The following PCDH15 variants were observed in gnomAD, a reference collection of about 807,000 sequenced individuals.
PCDH15 encodes the protein protocadherin-15.
In PCDH15, 129 loss-of-function variants were observed where a neutral mutation model predicts 178.5. The ratio of observed to expected loss-of-function variants is 0.72; its 90% CI spans 0.63 to 0.84. The LOEUF (loss-of-function observed/expected upper bound fraction) is 0.84. Ranked by LOEUF, PCDH15 falls within the 40% of genes least tolerant of loss-of-function variation. PCDH15 has a pLI of 0.00. For synonymous variants in PCDH15, 800 were observed against 732.0 expected (o/e 1.09, Z -1.50); for missense variants, 2,230 against 2,099.9 (o/e 1.06, Z -1.21).
At chr10:54,465,273 T>C (rs936956185) in intron 3 of PCDH15, among the ~76,000 whole-genome samples, 1 of 152,118 alleles carries the variant, frequency 6.6e-6, no homozygotes, top group Non-Finnish European at 1.5e-5. Context: ...AAATACTCTC[T>C]TGTGTCTATT....
intron 2 of PCDH15, among the ~76,000 whole-genome samples, chr10:55,140,878 A>G (rs10825471): frequency 0.38 from 57,600 of 151,762 alleles, 11,323 homozygotes; most frequent in Admixed American, 0.48. Context: ...ACATGTGCAT[A>G]GTTGTTTGCA....
intron 1 of PCDH15, among the ~76,000 whole-genome samples, chr10:55,206,909 C>T (rs1840418007): frequency 6.6e-6 from 1 of 151,992 alleles, no homozygotes; most frequent in Admixed American, 6.6e-5. Flanking sequence ...TTAAATAAAT[C>T]TCATAAATGT....
In PCDH15 at chr10:54,032,907, G is replaced by A. The variant is rs562104533; in HGVS notation, c.2221-9710C>T. Reference sequence around the variant, plus strand: ...AACTTCTTTACCTGGTGACAGAAAAGAGTGAAGAAGGAACTCCCAATCACT... The same window carrying A: ...AACTTCTTTACCTGGTGACAGAAAAAAGTGAAGAAGGAACTCCCAATCACT... On this transcript the variant is annotated intron_variant, in intron 18 of 37. Coordinates refer to ENST00000644397, the MANE Select transcript of PCDH15 (RefSeq NM_001384140.1). Among the ~76,000 whole-genome samples, 335 of 152,012 alleles carry A rather than the reference G, an allele frequency of 2.2e-3. 1 individual carries two copies. Among genetic ancestry groups the A allele is most frequent in the Non-Finnish European group, 3.3e-3 (225 of 67,916 alleles).
At chr10:54,394,704 C>T (rs911538670) in intron 3 of PCDH15, among the ~76,000 whole-genome samples, 31 of 152,052 alleles carry the variant, frequency 2.0e-4, no homozygotes, top group African/African-American at 5.8e-4. Context: ...ATTTATTAGG[C>T]AGGAATTTCC....
At chr10:55,374,133 G>A (rs1420832700) in intron 2 of PCDH15, among the ~76,000 whole-genome samples, 2 of 150,672 alleles carry the variant, frequency 1.3e-5, no homozygotes, top group African/African-American at 4.9e-5. Context: ...AAAAGAATGG[G>A]CTTTGGGCTT....
At chr10:54,871,359 T>C (rs960702796) in intron 3 of PCDH15, among the ~76,000 whole-genome samples, 5 of 151,900 alleles carry the variant, frequency 3.3e-5, no homozygotes, top group Non-Finnish European at 5.9e-5. Flanking sequence ...TCATATATTA[T>C]GTATTCCAAG....
intron 3 of PCDH15, among the ~76,000 whole-genome samples, chr10:54,484,420 T>C (rs565759753): frequency 6.6e-6 from 1 of 152,094 alleles, no homozygotes; most frequent in Non-Finnish European, 1.5e-5. Context: ...TGTTTTCACT[T>C]GCCTGGGTAG....
chr10:54,709,824 T>A (rs2095410155), intron 1 of PCDH15, among the ~76,000 whole-genome samples: 1 of 149,160 alleles, frequency 6.7e-6, no homozygotes, highest in Non-Finnish European at 1.5e-5. Context: ...GAATGAAAGA[T>A]TGCTGAACTT....
intron 2 of PCDH15, among the ~76,000 whole-genome samples, chr10:54,574,012 A>G (rs1489359091): frequency 1.3e-5 from 2 of 152,188 alleles, no homozygotes; most frequent in Non-Finnish European, 2.9e-5. Context: ...TTTGCTTTGC[A>G]GAAGCTCTTT....
chr10:55,590,352 A>G (rs1842820015), intron 2 of PCDH15, among the ~76,000 whole-genome samples: 1 of 150,404 alleles, frequency 6.6e-6, no homozygotes, highest in Admixed American at 6.6e-5. Flanking sequence ...TAGGAGATAT[A>G]CCTAATGCTA....
At chr10:54,198,106 T>C (rs1359688222) in intron 10 of PCDH15, among the ~76,000 whole-genome samples, 1 of 152,164 alleles carries the variant, frequency 6.6e-6, no homozygotes, top group Non-Finnish European at 1.5e-5. Flanking sequence ...TTTGGTCCTG[T>C]CTGGGATTAT....
chr10:54,722,405 T>C (rs940969221), intron 1 of PCDH15, among the ~76,000 whole-genome samples: 1 of 151,700 alleles, frequency 6.6e-6, no homozygotes, highest in South Asian at 2.1e-4. Context: ...GAATTTCTCT[T>C]ATCTCTTGGT....
chr10:54,590,312 T>C (rs1425362101), intron 2 of PCDH15, among the ~76,000 whole-genome samples: 1 of 152,194 alleles, frequency 6.6e-6, no homozygotes, highest in African/African-American at 2.4e-5. Context: ...TACATTTGCC[T>C]GACTCCAAAA....
chr10:55,304,959 A>G (rs1158540698), intron 1 of PCDH15, among the ~76,000 whole-genome samples: 3 of 152,252 alleles, frequency 2.0e-5, no homozygotes, highest in Non-Finnish European at 4.4e-5. Flanking sequence ...TAGTATTTTC[A>G]TAATATTTCA....
intron 2 of PCDH15, among the ~76,000 whole-genome samples, chr10:55,613,204 T>A (rs1843407470): frequency 6.6e-6 from 1 of 151,940 alleles, no homozygotes; most frequent in Non-Finnish European, 1.5e-5. Flanking sequence ...CTCTTTACCT[T>A]CAATCTTAAG....
intron 1 of PCDH15, among the ~76,000 whole-genome samples, chr10:55,202,448 G>C (rs934330363): frequency 2.6e-5 from 4 of 152,044 alleles, no homozygotes; most frequent in Non-Finnish European, 4.4e-5. Context: ...CCAGTTACAA[G>C]GTATGTGCCT....
At chr10:55,251,470 T>C (rs1434561302) in intron 1 of PCDH15, among the ~76,000 whole-genome samples, 1 of 152,168 alleles carries the variant, frequency 6.6e-6, no homozygotes, top group Non-Finnish European at 1.5e-5. Context: ...TATTTAACCT[T>C]CTAGGACTGA....
chr10:54,615,430 G>T (rs999245585), intron 2 of PCDH15, among the ~76,000 whole-genome samples: 1 of 151,968 alleles, frequency 6.6e-6, no homozygotes, highest in Admixed American at 6.6e-5. Flanking sequence ...TTAATCCAAC[G>T]GATGTGCATA....
chr10:55,478,225 A>G, intron 2 of PCDH15, among the ~76,000 whole-genome samples: 1 of 151,808 alleles, frequency 6.6e-6, no homozygotes, highest in East Asian at 1.9e-4. Flanking sequence ...ATAGTATGAG[A>G]CTTCAGCATC....
Sources: allele counts gnomAD v4.1 joint callset (sites outside exome capture counted in the v4.1 genomes callset), GRCh38; gene constraint gnomAD v4.1.1; transcripts MANE v1.5; gene names NCBI Gene and HGNC (gene_info 2026-07-23, HGNC 2026-07-21).